FGF2: variants seen among roughly 807,000 people sequenced by gnomAD.
FGF2 encodes basic fibroblast growth factor bFGF.
A neutral mutation model predicts 15.9 loss-of-function variants in FGF2; 13 were observed. That is an observed-to-expected ratio of 0.82 (90% CI 0.53 to 1.30). FGF2 has a LOEUF of 1.30. FGF2 is among the 50% of genes most tolerant of loss of function. The pLI, the probability that FGF2 is intolerant of heterozygous loss-of-function variation, is 0.00. For missense variants in FGF2, 163 were observed against 196.9 expected (o/e 0.83, Z 1.03); for synonymous variants, 90 against 78.4 (o/e 1.15, Z -0.78).
intron 1 of FGF2, among the ~76,000 whole-genome samples, chr4:122,829,607 G>A (rs981075510): frequency 5.3e-5 from 8 of 152,258 alleles, no homozygotes; most frequent in African/African-American, 1.7e-4. Context: ...TTGGTTACAT[G>A]AGTAAGTTCT....
intron 1 of FGF2, among the ~76,000 whole-genome samples, chr4:122,829,001 G>T (rs998193656): frequency 3.9e-5 from 6 of 152,002 alleles, no homozygotes; most frequent in African/African-American, 1.5e-4. Flanking sequence ...GAAGACAGAA[G>T]AATTTCCCTT....
In FGF2 at chr4:122,897,909, G is replaced by A. The variant is rs1423189185; in HGVS notation, c.*5513G>A. On this transcript the variant is annotated 3_prime_UTR_variant, in exon 3 of 3. Coordinates refer to ENST00000644866, the MANE Select transcript of FGF2 (RefSeq NM_001361665.2). ...CCTTTTCTCTTCAGGAAATATAAGT[G>A]GTTTTGTTTGGTTAACGTGATACAT... is the stretch of plus-strand genomic sequence containing the variant. The A allele has an allele frequency of 6.0e-6, 3 of 496,920 alleles. No individual in the cohort carries two copies. Among genetic ancestry groups the A allele is most frequent in the Non-Finnish European group, 1.1e-5 (3 of 276,258 alleles). The allele number at this position is 496,920 out of a possible 1,614,324, so 30.8% of individuals were successfully genotyped here.
chr4:122,849,679 A>G (rs919652679), intron 1 of FGF2, among the ~76,000 whole-genome samples: 2 of 152,164 alleles, frequency 1.3e-5, no homozygotes, highest in African/African-American at 4.8e-5. Flanking sequence ...ATTTTAAGGT[A>G]TAGGAACATT....
At chr4:122,853,151 AGC>A (rs1214333418) in intron 1 of FGF2, among the ~76,000 whole-genome samples, 1 of 152,094 alleles carries the variant, frequency 6.6e-6, no homozygotes, top group East Asian at 1.9e-4. Flanking sequence ...TACAAAAATT[AGC>A]CAGGTGTGGT....
intron 1 of FGF2, among the ~76,000 whole-genome samples, chr4:122,867,064 A>T (rs988147886): frequency 2.0e-5 from 3 of 152,240 alleles, no homozygotes; most frequent in Admixed American, 1.3e-4. Context: ...TGAGTGAAAG[A>T]GGCAGTCACA....
In FGF2 at chr4:122,895,013, T is replaced by C. The variant is rs916912183; in HGVS notation, c.*2617T>C. 7 of 152,194 alleles carry C rather than the reference T, an allele frequency of 4.6e-5. No individual in the cohort carries two copies. Among genetic ancestry groups the C allele is most frequent in the African/African-American group, 1.7e-4 (7 of 41,448 alleles). 9.4% of individuals were successfully genotyped at this position (152,194 alleles called of 1,614,324 possible). A position where few individuals can be genotyped will look rare whatever the true frequency, so the allele number is the denominator to read the frequency against. On this transcript the variant is annotated 3_prime_UTR_variant, in exon 3 of 3. Transcript: ENST00000644866. ...AATCTGCCCTGCTCAGCAGTCACCA[T>C]AGCAGCTGACTGAAAATCAGCACTG... is the stretch of plus-strand genomic sequence containing the variant.
chr4:122,889,737 T>C (rs1727130669), intron 2 of FGF2, among the ~76,000 whole-genome samples: 1 of 152,186 alleles, frequency 6.6e-6, no homozygotes, highest in South Asian at 2.1e-4. Flanking sequence ...AATAAATAAG[T>C]AAATTAATTA....
chr4:122,853,187 A>G (rs1726271746), intron 1 of FGF2, among the ~76,000 whole-genome samples: 1 of 152,162 alleles, frequency 6.6e-6, no homozygotes, highest in African/African-American at 2.4e-5. Flanking sequence ...GGTCCCAGCT[A>G]CTTGGGAGGC....
intron 1 of FGF2, among the ~76,000 whole-genome samples, chr4:122,831,834 T>C (rs1293272374): frequency 6.6e-6 from 1 of 152,248 alleles, no homozygotes; most frequent in African/African-American, 2.4e-5. Flanking sequence ...TATTCTCATT[T>C]TGATTTATGA....
In FGF2 at chr4:122,852,851, C is replaced by G. The variant is rs558937770; in HGVS notation, c.179-23470C>G. 7.6e-4 allele frequency among the ~76,000 whole-genome samples: 115 copies of G among 152,294 alleles called. 1 individual carries two copies. The highest frequency in any genetic ancestry group is 2.7e-3 in the African/African-American group (112 of 41,550). ...CATGTGAACAGCTGTAATAACCTTTCCAGTTATTAATTCTTTAAACACCAC... is the reference window on the plus strand; with the variant it reads ...CATGTGAACAGCTGTAATAACCTTTGCAGTTATTAATTCTTTAAACACCAC... On this transcript the variant is annotated intron_variant, in intron 1 of 2. Transcript: ENST00000644866.
chr4:122,856,858 G>T (rs1003467920), intron 1 of FGF2, among the ~76,000 whole-genome samples: 1 of 152,104 alleles, frequency 6.6e-6, no homozygotes, highest in Non-Finnish European at 1.5e-5. Context: ...CACTCCCTCA[G>T]CCCCACCTTG....
At chr4:122,850,477 A>G (rs1726207079) in intron 1 of FGF2, among the ~76,000 whole-genome samples, 1 of 152,146 alleles carries the variant, frequency 6.6e-6, no homozygotes, top group Admixed American at 6.5e-5. Context: ...GCGATGGTGG[A>G]TGACTTTATA....
In FGF2 at chr4:122,897,828, T is replaced by C; in HGVS notation, c.*5432T>C. Reference sequence around the variant, plus strand: ...CAAAATTTTTCTAGCTTCCATCCTTTCTCCCTCGTTTCTTCTTTTTTTGGG... The same window carrying C: ...CAAAATTTTTCTAGCTTCCATCCTTCCTCCCTCGTTTCTTCTTTTTTTGGG... On this transcript the variant is annotated 3_prime_UTR_variant, in exon 3 of 3. Transcript: ENST00000644866. 1.6e-6 allele frequency: 1 copy of C among 612,868 alleles called. No individual in the cohort carries two copies. The highest frequency in any genetic ancestry group is 3.0e-5 in the Admixed American group (1 of 33,882). The allele number at this position is 612,868 out of a possible 1,614,324, so 38.0% of individuals were successfully genotyped here.
intron 1 of FGF2, among the ~76,000 whole-genome samples, chr4:122,836,427 A>T (rs1159506183): frequency 2.0e-5 from 3 of 152,030 alleles, no homozygotes; most frequent in Non-Finnish European, 2.9e-5. Flanking sequence ...CTTTCACATC[A>T]TCCTGTATCC....
At chr4:122,870,354 G>A (rs1345569839) in intron 1 of FGF2, among the ~76,000 whole-genome samples, 3 of 152,164 alleles carry the variant, frequency 2.0e-5, no homozygotes, top group African/African-American at 7.2e-5. Context: ...AAATAAATTA[G>A]GGAGGAGTCC....
chr4:122,876,362 A>G lies in FGF2; in HGVS notation c.220A>G (p.Ile74Val). Residue 74 changes from isoleucine to valine, a missense_variant, in exon 2 of 3, where the codon ATC becomes GTC. Ile to Val is a conservative substitution (Grantham distance 29). Coordinates refer to ENST00000644866, the MANE Select transcript of FGF2 (RefSeq NM_001361665.2). ...LQAEERGVVS[I>V]KGVCANRYLA... The stretch of plus-strand genomic sequence containing the variant: ...AGCAGAAGAGAGAGGAGTTGTGTCT[A>G]TCAAAGGAGTGTGTGCTAACCGTTA... The G allele has an allele frequency of 6.2e-7, 1 of 1,613,598 alleles. No individual in the cohort carries two copies. Among genetic ancestry groups the G allele is most frequent in the Non-Finnish European group, 8.5e-7 (1 of 1,179,666 alleles).
At chr4:122,832,334 A>G (rs959132489) in intron 1 of FGF2, among the ~76,000 whole-genome samples, 6 of 152,050 alleles carry the variant, frequency 3.9e-5, no homozygotes, top group East Asian at 1.9e-4. Context: ...TCAGCTCACT[A>G]CAACCTCTCC....
At chr4:122,860,216 TA>T (rs573388199) in intron 1 of FGF2, among the ~76,000 whole-genome samples, 12 of 151,508 alleles carry the variant, frequency 7.9e-5, no homozygotes, top group South Asian at 2.1e-4. Context: ...TCATCATAAA[TA>T]TTTTTTTAAT....
Position 122,826,892 on chromosome 4 carries a change from G to T in FGF2, c.-283G>T. The T allele has an allele frequency of 6.6e-7, 1 of 1,524,386 alleles. No homozygotes were observed. The highest frequency in any genetic ancestry group is 1.4e-5 in the African/African-American group (1 of 70,338). 94.4% of individuals were successfully genotyped at this position (1,524,386 alleles called of 1,614,324 possible). The stretch of plus-strand genomic sequence containing the variant: ...GGATCCCGGGCGCTGCAGCTTGGGA[G>T]GCGGCTCTCCCCAGGCGGCGTCCGC... On this transcript the variant is annotated 5_prime_UTR_variant, in exon 1 of 3. The change creates a new upstream start codon in the 5' untranslated region. Coordinates refer to ENST00000644866, the MANE Select transcript of FGF2 (RefSeq NM_001361665.2).
Sources: allele counts gnomAD v4.1 joint callset (sites outside exome capture counted in the v4.1 genomes callset), GRCh38; gene constraint gnomAD v4.1.1; transcripts MANE v1.5; gene names NCBI Gene and HGNC (gene_info 2026-07-23, HGNC 2026-07-21).